RPS6KA2: variants seen among roughly 807,000 people sequenced by gnomAD.
RPS6KA2 encodes the protein ribosomal protein S6 kinase alpha-2.
Under a neutral mutation model 91.8 loss-of-function variants are expected in RPS6KA2, and 42 were observed. The ratio of observed to expected loss-of-function variants is 0.46; its 90% CI spans 0.36 to 0.59. The LOEUF is 0.59. RPS6KA2 is among the 20% of genes least tolerant of loss of function. RPS6KA2 has a pLI of 0.00. For synonymous variants in RPS6KA2, 414 were observed against 393.6 expected (o/e 1.05, Z -0.61); for missense variants, 798 against 978.5 (o/e 0.82, Z 2.46).
At chr6:166,471,197 G>C (rs939043353) in intron 10 of RPS6KA2, among the ~76,000 whole-genome samples, 4 of 152,244 alleles carry the variant, frequency 2.6e-5, no homozygotes, top group African/African-American at 9.6e-5. Flanking sequence ...GGGCTGCCCG[G>C]GGATGCTGTG....
intron 2 of RPS6KA2, among the ~76,000 whole-genome samples, chr6:166,838,138 T>C (rs1780368772): frequency 6.6e-6 from 1 of 152,222 alleles, no homozygotes; most frequent in Non-Finnish European, 1.5e-5. Context: ...TTGAAAGCCC[T>C]GTACCAGCCG....
upstream of RPS6KA2, among the ~76,000 whole-genome samples, chr6:166,629,325 C>T (rs1245905934): frequency 1.3e-5 from 2 of 152,214 alleles, no homozygotes; most frequent in Admixed American, 6.5e-5. Flanking sequence ...TGTGTTGTAC[C>T]AACAATAGTA....
At chr6:166,714,428 C>T (rs1265648207) in intron 2 of RPS6KA2, among the ~76,000 whole-genome samples, 2 of 152,214 alleles carry the variant, frequency 1.3e-5, no homozygotes, top group Admixed American at 6.5e-5. Flanking sequence ...TGTATACCCT[C>T]AAAAAGATGC....
At chr6:166,739,680 C>T (rs988853903) in intron 2 of RPS6KA2, among the ~76,000 whole-genome samples, 3 of 152,232 alleles carry the variant, frequency 2.0e-5, no homozygotes, top group Non-Finnish European at 4.4e-5. Context: ...CTCTGCAAAT[C>T]CCTCTGTCTG....
chr6:166,710,782 C>G (rs187766159), intron 2 of RPS6KA2, among the ~76,000 whole-genome samples: 195 of 152,258 alleles, frequency 1.3e-3, no homozygotes, highest in African/African-American at 4.4e-3. Context: ...GAGGAGCAAG[C>G]TGGTGGAGAA....
intron 2 of RPS6KA2, among the ~76,000 whole-genome samples, chr6:166,827,280 A>G (rs1780072561): frequency 9.8e-6 from 1 of 102,022 alleles, no homozygotes; most frequent in African/African-American, 3.7e-5. Flanking sequence ...AAAAAAAAAA[A>G]AAAAAAATGC....
chr6:166,486,551 G>A (rs550025314), intron 10 of RPS6KA2, among the ~76,000 whole-genome samples: 37 of 152,330 alleles, frequency 2.4e-4, no homozygotes, highest in African/African-American at 3.8e-4. Context: ...TGGGGACAGC[G>A]CTATAAAATG....
chr6:166,772,787 A>T (rs1375481069), intron 2 of RPS6KA2, among the ~76,000 whole-genome samples: 1 of 152,200 alleles, frequency 6.6e-6, no homozygotes, highest in African/African-American at 2.4e-5. Context: ...GGTCCCTCAT[A>T]AAAAGACACA....
intron 1 of RPS6KA2, among the ~76,000 whole-genome samples, chr6:166,585,463 T>A (rs1307851443): frequency 6.7e-6 from 1 of 150,334 alleles, no homozygotes; most frequent in African/African-American, 2.4e-5. Context: ...CTTTTAAGGT[T>A]AAAGAGAAAA....
intron 1 of RPS6KA2, among the ~76,000 whole-genome samples, chr6:166,609,945 T>C (rs970857323): frequency 2.0e-5 from 3 of 152,246 alleles, no homozygotes; most frequent in Non-Finnish European, 4.4e-5. Context: ...TTAAAAAATG[T>C]ATTAGCTTCG....
intron 16 of RPS6KA2, among the ~76,000 whole-genome samples, chr6:166,425,085 T>C (rs1481902596): frequency 6.6e-6 from 1 of 151,396 alleles, no homozygotes; most frequent in East Asian, 1.9e-4. Flanking sequence ...GAAACTCCTC[T>C]AGATGCTTAC....
Position 166,516,815 on chromosome 6 carries a change from T to G in RPS6KA2, c.299-6458A>C, listed in dbSNP as rs114560330. 3.2e-3 allele frequency among the ~76,000 whole-genome samples: 481 copies of G among 152,354 alleles called. 3 individuals carry two copies. The highest frequency in any genetic ancestry group is 0.011 in the African/African-American group (458 of 41,586). ...CCTGTTCCATCTGCCAGGCCCTGCA[T>G]GATCTGAAGCTGAGACCTGGTGAAG... On this transcript the variant is annotated intron_variant, in intron 3 of 20. Coordinates refer to ENST00000265678, the MANE Select transcript of RPS6KA2 (RefSeq NM_021135.6).
chr6:166,588,478 C>A (rs368690311), intron 1 of RPS6KA2, among the ~76,000 whole-genome samples: 7 of 152,232 alleles, frequency 4.6e-5, no homozygotes, highest in African/African-American at 1.7e-4. Flanking sequence ...CACACGACAT[C>A]CCTTTGCTGC....
intron 1 of RPS6KA2, among the ~76,000 whole-genome samples, chr6:166,553,325 T>C (rs1014356678): frequency 6.6e-6 from 1 of 152,112 alleles, no homozygotes; most frequent in Non-Finnish European, 1.5e-5. Flanking sequence ...GGTCTCACTA[T>C]GTTGCCCAGG....
At position 166,412,544 on chromosome 6, in the gene RPS6KA2, A is replaced by C; in HGVS notation, c.*218T>G. ...GGCGCATTTGGTTTCGCTTGGGAGA[A>C]AAGAGAGCGGGCGGGGAGGCTGGCG... On this transcript the variant is annotated 3_prime_UTR_variant, in exon 21 of 21. Transcript: ENST00000265678. The surrounding 1 kb of genome is among the most constrained non-coding windows in gnomAD (Gnocchi z 4.3). 1 of 439,084 alleles carries C rather than the reference A, an allele frequency of 2.3e-6. No homozygotes were observed. The highest frequency in any genetic ancestry group is 4.0e-6 in the Non-Finnish European group (1 of 249,584). The allele number at this position is 439,084 out of a possible 1,614,324, so 27.2% of individuals were successfully genotyped here. A position where few individuals can be genotyped will look rare whatever the true frequency, so the allele number is the denominator to read the frequency against.
rs911528035 is a variant in RPS6KA2 at position 166,767,134 on chromosome 6, T to C, written c.123+91066A>G. On this transcript the variant is annotated intron_variant, in intron 2 of 21. Transcript: ENST00000503859. The surrounding 1 kb of genome is among the most constrained non-coding windows in gnomAD (Gnocchi z 4.6). ...CCTGTGGGAAAAGCCAGCTCCACCA[T>C]GGAATTTTTGTCTCTGAAAACAGAC... Among the ~76,000 whole-genome samples the C allele has an allele frequency of 6.6e-6, 1 of 152,204 alleles. No homozygotes were observed. The highest frequency in any genetic ancestry group is 1.5e-5 in the Non-Finnish European group (1 of 68,028).
chr6:166,797,231 G>A (rs1217272434), intron 2 of RPS6KA2, among the ~76,000 whole-genome samples: 1 of 152,190 alleles, frequency 6.6e-6, no homozygotes, highest in Non-Finnish European at 1.5e-5. Flanking sequence ...TGGGGACATT[G>A]TGCAGGATGG....
intron 2 of RPS6KA2, among the ~76,000 whole-genome samples, chr6:166,798,585 T>A (rs1404156018): frequency 6.6e-6 from 1 of 152,198 alleles, no homozygotes; most frequent in Admixed American, 6.5e-5. Context: ...GGAGCGGCCC[T>A]CTCCACCACA....
Position 166,818,690 on chromosome 6 carries a change from G to A in RPS6KA2, c.123+39510C>T, listed in dbSNP as rs147967959. Among the ~76,000 whole-genome samples the A allele has an allele frequency of 7.8e-3, 1,189 of 152,180 alleles. 21 individuals are homozygous for A. Among genetic ancestry groups the A allele is most frequent in the African/African-American group, 0.027 (1,140 of 41,512 alleles). On this transcript the variant is annotated intron_variant, in intron 2 of 21. Transcript: ENST00000503859. ...AACAGTGATTTTATAATTCCGTCGT[G>A]CCTTTGTCACAATAAATCCATCAAT...
Sources: allele counts gnomAD v4.1 joint callset (sites outside exome capture counted in the v4.1 genomes callset), GRCh38; gene constraint gnomAD v4.1.1; non-coding constraint Gnocchi (gnomAD v3.1); transcripts MANE v1.5; gene names NCBI Gene and HGNC (gene_info 2026-07-23, HGNC 2026-07-21).